YTHDC1: variants seen among roughly 807,000 people sequenced by gnomAD.
YTHDC1 encodes YTH N6-methyladenosine RNA binding protein C1.
YTHDC1 carries 12 observed loss-of-function variants against 107.0 expected under a neutral mutation model. The ratio of observed to expected loss-of-function variants is 0.11; its 90% confidence interval spans 0.07 to 0.18. YTHDC1 has a LOEUF of 0.18. Among genes scored for constraint, YTHDC1 ranks in the 10% least tolerant of loss-of-function variants. The pLI, the probability that YTHDC1 is intolerant of heterozygous loss-of-function variation, is 1.00. For missense variants in YTHDC1, 635 were observed against 898.8 expected (o/e 0.71, Z 3.75); for synonymous variants, 280 against 289.5 (o/e 0.97, Z 0.33).
chr4:68,335,891 A>G (rs1434778800), intron 4 of YTHDC1, among the ~76,000 whole-genome samples: 1 of 151,362 alleles, frequency 6.6e-6, no homozygotes, highest in Non-Finnish European at 1.5e-5. Flanking sequence ...CTAGAATTCT[A>G]GTGAACAAAA....
intron 6 of YTHDC1, 58 bp downstream of exon 6, chr4:68,332,735 TA>T: frequency 6.7e-7 from 1 of 1,495,624 alleles, no homozygotes; most frequent in Non-Finnish European, 9.2e-7. Context: ...GGAGAACCAA[TA>T]AGGAAAAATA....
chr4:68,320,256 A>G (rs1183220476), intron 11 of YTHDC1, 51 bp from the exon 12 acceptor site: 1 of 1,358,260 alleles, frequency 7.4e-7, no homozygotes, highest in Non-Finnish European at 1.0e-6. Flanking sequence ...CTGGGAGAAC[A>G]AAGAGTAAAG....
At chr4:68,332,753 A>G (rs1723734545) in intron 6 of YTHDC1, 41 bp downstream of exon 6, 1 of 1,579,620 alleles carries the variant, frequency 6.3e-7, no homozygotes, top group East Asian at 2.2e-5. Context: ...AATAATGACT[A>G]TGCAGCATGC....
chr4:68,331,428 G>A (rs1334827108), intron 7 of YTHDC1, among the ~76,000 whole-genome samples: 1 of 152,096 alleles, frequency 6.6e-6, no homozygotes, highest in Non-Finnish European at 1.5e-5. Flanking sequence ...AATATCATTA[G>A]AGAAATGTCT....
Position 68,314,033 on chromosome 4 carries a change from AAC to A in YTHDC1, c.*64_*65del, listed in dbSNP as rs1721536808. The A allele has an allele frequency of 6.6e-7, 1 of 1,522,288 alleles. No homozygotes were observed. The highest frequency in any genetic ancestry group is 1.2e-5 in the South Asian group (1 of 84,004). 94.3% of individuals were successfully genotyped at this position (1,522,288 alleles called of 1,614,324 possible). ...GCTGAAAATAAATTTACTACTTGTA[AAC>A]ACACACAAAAAAAAAATACAAGATT... On this transcript the variant is annotated 3_prime_UTR_variant, in exon 17 of 17. Transcript: ENST00000344157.
intron 11 of YTHDC1, among the ~76,000 whole-genome samples, chr4:68,321,820 G>C (rs1204659728): frequency 6.6e-6 from 1 of 151,650 alleles, no homozygotes; most frequent in Non-Finnish European, 1.5e-5. Context: ...GTCTTTAGCA[G>C]AATATTTTAG....
intron 9 of YTHDC1, among the ~76,000 whole-genome samples, chr4:68,329,186 T>A (rs1723313056): frequency 6.6e-6 from 1 of 152,010 alleles, no homozygotes; most frequent in South Asian, 2.1e-4. Context: ...ACCATCTCCT[T>A]CATAAAAAAA....
intron 9 of YTHDC1, 72 bp downstream of exon 9, chr4:68,329,930 A>T: frequency 8.7e-7 from 1 of 1,154,916 alleles, no homozygotes; most frequent in African/African-American, 1.5e-5. Flanking sequence ...TGACTTTTTC[A>T]CTTTAACACA....
intron 9 of YTHDC1, among the ~76,000 whole-genome samples, chr4:68,328,364 G>A (rs1723214587): frequency 2.6e-5 from 4 of 151,986 alleles, no homozygotes; most frequent in African/African-American, 9.7e-5. Context: ...CCTACAAATT[G>A]TCACCAGATT....
chr4:68,325,423 G>C (rs906366803), intron 9 of YTHDC1, among the ~76,000 whole-genome samples: 3 of 152,174 alleles, frequency 2.0e-5, no homozygotes, highest in Admixed American at 2.0e-4. Context: ...GGATACATTT[G>C]AAACAAAGAG....
intron 1 of YTHDC1, among the ~76,000 whole-genome samples, chr4:68,339,710 T>C (rs926832181): frequency 6.6e-6 from 1 of 152,204 alleles, no homozygotes; most frequent in African/African-American, 2.4e-5. Flanking sequence ...TTGTAGCTAT[T>C]ATGCTTATCT....
At chr4:68,344,362 G>GC (rs750845635) in intron 1 of YTHDC1, among the ~76,000 whole-genome samples, 11 of 151,900 alleles carry the variant, frequency 7.2e-5, no homozygotes, top group African/African-American at 1.5e-4. Context: ...ATACACTAAG[G>GC]CACAGGAACA....
At chr4:68,345,827 C>T (rs1411896522) in intron 1 of YTHDC1, among the ~76,000 whole-genome samples, 1 of 151,900 alleles carries the variant, frequency 6.6e-6, no homozygotes, top group Non-Finnish European at 1.5e-5. Flanking sequence ...TTTTGATGTT[C>T]AGATACACAA....
At chr4:68,321,045 T>C (rs1186397570) in intron 11 of YTHDC1, among the ~76,000 whole-genome samples, 1 of 152,128 alleles carries the variant, frequency 6.6e-6, no homozygotes, top group Non-Finnish European at 1.5e-5. Context: ...CTTCCATAAA[T>C]CGGGTTAACT....
chr4:68,334,159 A>C (rs1424000651), intron 4 of YTHDC1, among the ~76,000 whole-genome samples: 3 of 151,022 alleles, frequency 2.0e-5, no homozygotes, highest in Non-Finnish European at 4.4e-5. Context: ...AATGGAATTC[A>C]GCTCTCCTAT....
intron 12 of YTHDC1, 23 bp downstream of exon 12, chr4:68,320,099 TC>T (rs1722286846): frequency 6.5e-7 from 1 of 1,539,872 alleles, no homozygotes; most frequent in South Asian, 1.2e-5. Flanking sequence ...AAATCAAATA[TC>T]TGCAGGATTA....
intron 4 of YTHDC1, among the ~76,000 whole-genome samples, chr4:68,334,257 T>C (rs1332644421): frequency 6.6e-6 from 1 of 152,228 alleles, no homozygotes; most frequent in Non-Finnish European, 1.5e-5. Flanking sequence ...AAAATGCATA[T>C]ACTTATTTTT....
At chr4:68,339,926 A>G (rs572099518) in intron 1 of YTHDC1, among the ~76,000 whole-genome samples, 1 of 152,332 alleles carries the variant, frequency 6.6e-6, no homozygotes, top group South Asian at 2.1e-4. Context: ...CCTTAGAAAT[A>G]CACACAAATA....
At chr4:68,323,234 T>G (rs1344792349) in intron 10 of YTHDC1, among the ~76,000 whole-genome samples, 2 of 152,144 alleles carry the variant, frequency 1.3e-5, no homozygotes, top group African/African-American at 4.8e-5. Context: ...ACAAGGTCAT[T>G]TAATACAATG....
Sources: gnomAD v4.1 joint callset for allele counts (sites outside exome capture counted in the v4.1 genomes callset) on GRCh38, gnomAD v4.1.1 for gene constraint, MANE v1.5 for transcripts, NCBI Gene and HGNC (gene_info 2026-07-23, HGNC 2026-07-21) for gene names.